The following CENPE variants were observed in gnomAD, a reference collection of about 807,000 sequenced individuals.
CENPE encodes the protein centromere protein E.
CENPE carries 145 observed loss-of-function variants against 336.1 expected under a neutral mutation model. That is an observed-to-expected ratio of 0.43 (90% CI 0.38 to 0.50). The LOEUF (loss-of-function observed/expected upper bound fraction) is 0.50, where lower values mean the gene tolerates loss of function less well. Among genes scored for constraint, CENPE ranks in the 20% least tolerant of loss-of-function variants. The pLI is 0.00. For missense variants in CENPE, 2,719 were observed against 3,023.3 expected (o/e 0.90, Z 2.36); for synonymous variants, 1,013 against 984.8 (o/e 1.03, Z -0.54).
Position 103,175,981 on chromosome 4 carries a change from TG to T in CENPE, c.1457del (p.Pro486GlnfsTer6), listed in dbSNP as rs1560662979. On this transcript the variant is annotated frameshift_variant, in exon 15 of 49. Transcript: ENST00000265148. LOFTEE classifies it high-confidence loss of function. ...TTACCTGATTTAGTAGCTTTGTTGC[TG>T]GATTCCATTCTATCTCACTTAATGT... is the stretch of plus-strand genomic sequence containing the variant. ...LDTLSEIEWN[P>X]ATKLLNQENI... 1 of 1,601,588 alleles carries T rather than the reference TG, an allele frequency of 6.2e-7. No individual in the cohort carries two copies. Among genetic ancestry groups the T allele is most frequent in the Admixed American group, 1.7e-5 (1 of 59,124 alleles).
At chr4:103,146,212 C>A in intron 29 of CENPE, 105 bp from the exon 30 acceptor site, 1 of 1,007,274 alleles carries the variant, frequency 9.9e-7, no homozygotes, top group East Asian at 2.5e-5. Flanking sequence ...GATTCAGTGC[C>A]TCATTTACAG....
intron 13 of CENPE, among the ~76,000 whole-genome samples, chr4:103,179,658 T>C (rs976582835): frequency 2.0e-5 from 3 of 152,226 alleles, no homozygotes; most frequent in Admixed American, 2.0e-4. Context: ...ACAACACTTA[T>C]GAGGTGAGTA....
intron 42 of CENPE, among the ~76,000 whole-genome samples, chr4:103,131,732 C>T (rs1386032024): frequency 6.6e-6 from 1 of 152,038 alleles, no homozygotes; most frequent in African/African-American, 2.4e-5. Context: ...AGTAGATAAA[C>T]AGGTACATAC....
At chr4:103,170,274 A>T (rs1455164290) in intron 16 of CENPE, among the ~76,000 whole-genome samples, 1 of 152,136 alleles carries the variant, frequency 6.6e-6, no homozygotes, top group African/African-American at 2.4e-5. Flanking sequence ...CCCAGAACTT[A>T]AAGTATAATT....
At chr4:103,161,692 T>C (rs1754456173) in intron 18 of CENPE, among the ~76,000 whole-genome samples, 1 of 152,178 alleles carries the variant, frequency 6.6e-6, no homozygotes, top group Non-Finnish European at 1.5e-5. Context: ...CAATGTATCA[T>C]AATTTAGATC....
chr4:103,173,570 CAATATTTGCAGA>C (rs1182868413), intron 16 of CENPE, among the ~76,000 whole-genome samples: 1 of 151,712 alleles, frequency 6.6e-6, no homozygotes, highest in Non-Finnish European at 1.5e-5. Flanking sequence ...AAAATATTTG[CAATATTTGCAGA>C]AATATTTGCA....
chr4:103,190,355 G>A (rs1022433449), intron 8 of CENPE, among the ~76,000 whole-genome samples: 18 of 152,150 alleles, frequency 1.2e-4, no homozygotes, highest in Middle Eastern at 3.4e-3. Flanking sequence ...AGCCAAAAGA[G>A]CAAAGCTGGA....
intron 29 of CENPE, among the ~76,000 whole-genome samples, chr4:103,146,907 A>G (rs536624649): frequency 6.6e-6 from 1 of 152,326 alleles, no homozygotes; most frequent in East Asian, 1.9e-4. Context: ...TAAAATACAC[A>G]CTCAAATCAA....
chr4:103,120,124 C>T, intron 44 of CENPE, 24 bp downstream of exon 44: 1 of 1,523,726 alleles, frequency 6.6e-7, no homozygotes, highest in Non-Finnish European at 8.9e-7. Flanking sequence ...AAACAAACAA[C>T]TTTTATTTTT....
intron 13 of CENPE, 72 bp downstream of exon 13, chr4:103,180,239 T>C (rs563561802): frequency 5.0e-6 from 7 of 1,388,096 alleles, no homozygotes; most frequent in South Asian, 2.9e-5. Context: ...GTGCATACTA[T>C]ATAATAAACA....
chr4:103,160,683 A>T lies in CENPE; in HGVS notation c.2228T>A (p.Val743Asp). 2 of 1,611,208 alleles carry T rather than the reference A, an allele frequency of 1.2e-6. No individual in the cohort carries two copies. The highest frequency in any genetic ancestry group is 1.7e-6 in the Non-Finnish European group (2 of 1,178,560). ...VEENEALREE[V>D]ILLSELKSLP... is the part of the protein sequence containing the mutation. ...AGATTTCAATTCTGAAAGCAAAATG[A>T]CTTCTTCCCGCAAAGCTTCATTTTC... Residue 743 changes from valine (V) to aspartate (D), a missense_variant, in exon 21 of 49, where the codon GTC becomes GAC. Val to Asp is a radical substitution (Grantham distance 152). This residue lies in a region of CENPE where 2,437 missense variants were observed against 2,513.3 expected (regional missense o/e 0.97). Transcript: ENST00000265148.
chr4:103,123,111 T>C (rs1750783396), intron 42 of CENPE, 22 bp from the exon 43 acceptor site: 1 of 1,569,430 alleles, frequency 6.4e-7, no homozygotes, highest in South Asian at 1.1e-5. Flanking sequence ...TAAAATACCA[T>C]TATAGCTCTA....
chr4:103,168,992 T>C (rs946723679), intron 16 of CENPE, among the ~76,000 whole-genome samples: 15 of 152,098 alleles, frequency 9.9e-5, no homozygotes, highest in African/African-American at 3.6e-4. Flanking sequence ...TCCTAAAAGA[T>C]GGAGATGTAT....
intron 8 of CENPE, among the ~76,000 whole-genome samples, chr4:103,188,812 CAG>C (rs1258747790): frequency 6.6e-6 from 1 of 151,910 alleles, no homozygotes; most frequent in Non-Finnish European, 1.5e-5. Flanking sequence ...CTGAAGGAGA[CAG>C]AGACACAAAA....
intron 42 of CENPE, among the ~76,000 whole-genome samples, 198 bp from the exon 43 acceptor site, chr4:103,123,287 C>T (rs1750799608): frequency 6.6e-6 from 1 of 152,108 alleles, no homozygotes; most frequent in Non-Finnish European, 1.5e-5. Flanking sequence ...AATTTTGAGT[C>T]ATCCTGCTCA....
In CENPE at chr4:103,120,305, T is replaced by C. The variant is rs371381915; in HGVS notation, c.7172A>G (p.His2391Arg). ...ATGCATAGCACTTTCTTTAGCTTCA[T>C]GCAGTGAATTTTCCAGCTCTCGAAT... Reference protein sequence around the residue: ...EKIRELENSLHEAKESAMHKE... With the variant: ...EKIRELENSLREAKESAMHKE... Residue 2391 changes from histidine (H) to arginine (R), a missense_variant, in exon 44 of 49, where the codon CAT becomes CGT. Physicochemically the swap from His to Arg is conservative, Grantham distance 29 (BLOSUM62 0). Transcript: ENST00000265148. 1.3e-5 allele frequency: 21 copies of C among 1,608,286 alleles called. No individual in the cohort carries two copies. The African/African-American group carries it at 1.7e-4, about 13-fold the overall frequency.
At chr4:103,190,501 T>C (rs896733255) in intron 8 of CENPE, among the ~76,000 whole-genome samples, 3 of 152,164 alleles carry the variant, frequency 2.0e-5, no homozygotes, top group African/African-American at 4.8e-5. Context: ...TATCTACAAC[T>C]ATCTGATCTT....
At chr4:103,159,779 G>A (rs914303188) in intron 21 of CENPE, among the ~76,000 whole-genome samples, 2 of 151,504 alleles carry the variant, frequency 1.3e-5, no homozygotes, top group African/African-American at 2.4e-5. Flanking sequence ...TATCTTAAGT[G>A]GTATGGTCCA....
chr4:103,198,241 G>C (rs749935932), intron 1 of CENPE, 23 bp downstream of exon 1: 2 of 1,548,756 alleles, frequency 1.3e-6, no homozygotes, highest in Admixed American at 2.0e-5. Flanking sequence ...AGCGGGCACC[G>C]GGCCGTGGTG....
Sources: gnomAD v4.1 joint callset for allele counts (sites outside exome capture counted in the v4.1 genomes callset) on GRCh38, gnomAD v4.1.1 for gene constraint, gnomAD v4.1.1 regional missense constraint, MANE v1.5 for transcripts, NCBI Gene and HGNC (gene_info 2026-07-23, HGNC 2026-07-21) for gene names.